The following MCC variants were observed in gnomAD, a reference collection of about 807,000 sequenced individuals.
The protein encoded by MCC is MCC regulator of Wnt signaling pathway, also known as colorectal mutant cancer protein.
In MCC, 90 loss-of-function variants were observed where a neutral mutation model predicts 116.2. The observed-to-expected ratio is 0.77, with a 90% CI of 0.65 to 0.92. MCC has a LOEUF of 0.92. Among genes scored for constraint, MCC ranks in the 40% least tolerant of loss-of-function variants. The pLI is 0.00. For synonymous variants in MCC, 578 were observed against 510.5 expected, an observed-to-expected ratio of 1.13 and a Z score of -1.78; for missense variants, 1,516 against 1,312.2, an observed-to-expected ratio of 1.16 and a Z score of -2.40.
chr5:113,432,751 T>C (rs1032928293), intron 1 of MCC: 6 of 152,184 alleles, frequency 3.9e-5, no homozygotes, highest in African/African-American at 1.4e-4. Flanking sequence ...AAATAAAAAG[T>C]TGATAAGGAA....
At chr5:113,307,412 G>A (rs945281633) in intron 3 of MCC, among the ~76,000 whole-genome samples, 4 of 151,684 alleles carry the variant, frequency 2.6e-5, no homozygotes, top group African/African-American at 9.7e-5. Flanking sequence ...TTAATCTATT[G>A]TAAATGAAAT....
intron 1 of MCC, among the ~76,000 whole-genome samples, chr5:113,463,982 G>A (rs1243793683): frequency 1.3e-5 from 2 of 152,152 alleles, no homozygotes; most frequent in Middle Eastern, 3.2e-3. Context: ...TGGGGTCTTG[G>A]CAGCCAGGAA....
chr5:113,273,356 G>T (rs1440975170), intron 3 of MCC, among the ~76,000 whole-genome samples: 2 of 152,300 alleles, frequency 1.3e-5, no homozygotes, highest in Middle Eastern at 3.4e-3. Context: ...ATGTACTGTG[G>T]ATCAGCAATG....
chr5:113,207,292 T>C (rs1470418585), intron 3 of MCC, among the ~76,000 whole-genome samples: 6 of 152,150 alleles, frequency 3.9e-5, no homozygotes, highest in Non-Finnish European at 7.3e-5. Flanking sequence ...GTCAGGAGAA[T>C]TGAATGAGAT....
Position 113,340,512 on chromosome 5 carries a change from T to C in MCC, c.627+7A>G, listed in dbSNP as rs1049584942. 2.5e-6 allele frequency: 4 copies of C among 1,613,224 alleles called. No homozygotes were observed. The highest frequency in any genetic ancestry group is 3.4e-6 in the Non-Finnish European group (4 of 1,179,186). On this transcript the variant is annotated splice_region_variant and intron_variant, in intron 3 of 18. Transcript: ENST00000408903. The stretch of plus-strand genomic sequence containing the variant: ...AATATGTATTCCATGAACCAAAAAG[T>C]ACTCACTGTGTTGGCCAGCTCTAGA...
intron 3 of MCC, among the ~76,000 whole-genome samples, chr5:113,236,866 T>C (rs1764154048): frequency 6.6e-6 from 1 of 152,164 alleles, no homozygotes; most frequent in African/African-American, 2.4e-5. Context: ...GCTGGGAGGC[T>C]GGACCAGGAG....
At chr5:113,166,666 G>A (rs908276507) in intron 3 of MCC, among the ~76,000 whole-genome samples, 11 of 145,398 alleles carry the variant, frequency 7.6e-5, no homozygotes, top group African/African-American at 2.8e-4. Context: ...AAGACTCTGT[G>A]AGTCTTCCCA....
rs1770800529 is a variant in MCC at position 113,434,857 on chromosome 5, G to C, written c.171-49645C>G. 1 of 1,596,170 alleles carries C rather than the reference G, an allele frequency of 6.3e-7. No homozygotes were observed. The highest frequency in any genetic ancestry group is 8.6e-7 in the Non-Finnish European group (1 of 1,169,552). On this transcript the variant is annotated intron_variant, in intron 1 of 18. Coordinates refer to ENST00000408903, the MANE Select transcript of MCC (RefSeq NM_001085377.2). This position sits in a 1 kb window ranked among gnomAD's most constrained non-coding sequence, Gnocchi z 4.2. The stretch of plus-strand genomic sequence containing the variant: ...TCATCCATGGTGCCAGGAATGCCCA[G>C]TGCCTCTGAGGCTGCCCTCTACAGC...
At chr5:113,206,765 T>C (rs1031973978) in intron 3 of MCC, among the ~76,000 whole-genome samples, 3 of 152,242 alleles carry the variant, frequency 2.0e-5, no homozygotes, top group Admixed American at 6.5e-5. Context: ...TCTTGAATCA[T>C]CTTGTACTTA....
At chr5:113,070,863 G>A (rs1207885787) in intron 12 of MCC, among the ~76,000 whole-genome samples, 3 of 152,198 alleles carry the variant, frequency 2.0e-5, no homozygotes, top group Non-Finnish European at 2.9e-5. Flanking sequence ...TATTTTGAGT[G>A]ATAGTACCTA....
At chr5:113,442,730 TC>T (rs1351370485) in intron 1 of MCC, among the ~76,000 whole-genome samples, 2 of 152,238 alleles carry the variant, frequency 1.3e-5, no homozygotes, top group East Asian at 3.8e-4. Flanking sequence ...TAGCCAGTTT[TC>T]CCAGCACCAT....
At chr5:113,403,737 T>C (rs1769755811) in intron 1 of MCC, among the ~76,000 whole-genome samples, 3 of 152,168 alleles carry the variant, frequency 2.0e-5, no homozygotes, top group African/African-American at 7.2e-5. Flanking sequence ...CCCAGCGGGA[T>C]TGCCATCAGG....
intron 11 of MCC, among the ~76,000 whole-genome samples, chr5:113,081,253 G>A (rs1166362970): frequency 2.6e-5 from 4 of 152,130 alleles, no homozygotes; most frequent in Non-Finnish European, 5.9e-5. Context: ...GAGGTCAAAG[G>A]GTAAGGGTTG....
rs754067275 is a variant in MCC at position 113,294,421 on chromosome 5, G to A, written c.627+46098C>T. ...TCAGAGCTGGGCTCTCAGTCCCCCA[G>A]GTCTCGGAGCTTAAGAGTTGGACTT... On this transcript the variant is annotated intron_variant, in intron 3 of 18. Coordinates refer to ENST00000408903, the MANE Select transcript of MCC (RefSeq NM_001085377.2). 1.1e-5 allele frequency: 17 copies of A among 1,605,500 alleles called. No homozygotes were observed. In the Admixed American group the frequency reaches 1.5e-4, roughly 14 times the overall value.
rs558899204 is a variant in MCC, at chr5:113,309,532, G to C, written c.627+30987C>G. 2.0e-5 allele frequency among the ~76,000 whole-genome samples: 3 copies of C among 152,304 alleles called. No homozygotes were observed. In the South Asian group the frequency reaches 6.2e-4, roughly 32 times the overall value. ...CCAGTTCCATCCAAGTTGCTGCAAAGACAGTATTTCATTGTTTTTTTCCAA... is the reference window on the plus strand; with the variant it reads ...CCAGTTCCATCCAAGTTGCTGCAAACACAGTATTTCATTGTTTTTTTCCAA... On this transcript the variant is annotated intron_variant, in intron 3 of 18. Coordinates refer to ENST00000408903, the MANE Select transcript of MCC (RefSeq NM_001085377.2).
intron 2 of MCC, among the ~76,000 whole-genome samples, chr5:113,361,823 C>A (rs9326884): frequency 0.44 from 67,047 of 152,046 alleles, 16,242 homozygotes; most frequent in African/African-American, 0.64. Flanking sequence ...CCTGCCCTTG[C>A]ACATCAAAAT....
At chr5:113,177,994 C>T (rs1761423788) in intron 3 of MCC, among the ~76,000 whole-genome samples, 1 of 152,164 alleles carries the variant, frequency 6.6e-6, no homozygotes, top group African/African-American at 2.4e-5. Flanking sequence ...CTATGTTAAA[C>T]CTGCAAGAAC....
chr5:113,068,200 G>T lies in MCC; in HGVS notation c.1926-17C>A. The T allele has an allele frequency of 1.9e-6, 3 of 1,601,056 alleles. No homozygotes were observed. The highest frequency in any genetic ancestry group is 2.6e-6 in the Non-Finnish European group (3 of 1,168,432). Reference sequence around the variant, plus strand: ...CACTGCTCGCTGAAACAAAGCACATGGGGCCTCAGCCCTTGCAGAGAACAG... The same window carrying T: ...CACTGCTCGCTGAAACAAAGCACATTGGGCCTCAGCCCTTGCAGAGAACAG... On this transcript the variant is annotated splice_polypyrimidine_tract_variant and intron_variant, in intron 12 of 18. Coordinates refer to ENST00000408903, the MANE Select transcript of MCC (RefSeq NM_001085377.2).
chr5:113,488,377 G>T lies in MCC; in HGVS notation c.38C>A (p.Ser13Tyr), dbSNP rs750325628. The T allele has an allele frequency of 3.4e-6, 5 of 1,466,022 alleles. No homozygotes were observed. In the Admixed American group the frequency reaches 1.2e-4, roughly 34 times the overall value. 90.8% of individuals were successfully genotyped at this position (1,466,022 alleles called of 1,614,324 possible). A position where few individuals can be genotyped will look rare whatever the true frequency, so the allele number is the denominator to read the frequency against. Residue 13 changes from serine (S) to tyrosine (Y), a missense_variant, in exon 1 of 19, where the codon TCC becomes TAC. Transcript: ENST00000408903. ...GCCGCCGCCGCCGCCGCCGCTGCTG[G>T]AGCTCCCCGCAGCCGCTGCCGCCGC... ...AAAAAAAAGSSSSGGGGGGSG... is the reference protein window; with the variant it reads ...AAAAAAAAGSYSSGGGGGGSG...
Sources: allele counts gnomAD v4.1 joint callset (sites outside exome capture counted in the v4.1 genomes callset), GRCh38; gene constraint gnomAD v4.1.1; non-coding constraint Gnocchi (gnomAD v3.1); transcripts MANE v1.5; gene names NCBI Gene and HGNC (gene_info 2026-07-23, HGNC 2026-07-21).